Variants in ELAPOR1 observed in about 807,000 individuals in gnomAD.
ELAPOR1 encodes the protein endosome/lysosome-associated apoptosis and autophagy regulator 1.
In ELAPOR1, 77 loss-of-function variants were observed where a neutral mutation model predicts 119.7. The ratio of observed to expected loss-of-function variants is 0.64; its 90% confidence interval spans 0.54 to 0.78. The LOEUF is 0.78. ELAPOR1 is among the 30% of genes least tolerant of loss of function. The probability of loss-of-function intolerance (pLI) is 0.00; values close to 1 mark genes in which losing one functional copy is unlikely to be tolerated. For missense variants in ELAPOR1, 1,115 were observed against 1,270.4 expected, an observed-to-expected ratio of 0.88 and a Z score of 1.86; for synonymous variants, 481 against 487.2, an observed-to-expected ratio of 0.99 and a Z score of 0.17.
chr1:109,195,314 A>C (rs1007681714), intron 15 of ELAPOR1, among the ~76,000 whole-genome samples: 1 of 151,760 alleles, frequency 6.6e-6, no homozygotes, highest in Non-Finnish European at 1.5e-5. Context: ...TAACACGGTG[A>C]AACCCTGTCT....
intron 1 of ELAPOR1, among the ~76,000 whole-genome samples, chr1:109,154,078 T>C (rs886676351): frequency 6.6e-6 from 1 of 151,214 alleles, no homozygotes; most frequent in African/African-American, 2.4e-5. Context: ...GGTCGGGAGT[T>C]TGAGATCAGC....
At chr1:109,194,746 T>A in intron 15 of ELAPOR1, 152 bp downstream of exon 15, 1 of 613,532 alleles carries the variant, frequency 1.6e-6, no homozygotes, top group Non-Finnish European at 2.8e-6. Flanking sequence ...CCCTGAGGAC[T>A]TTTTCCCCTA....
chr1:109,118,561 A>G (rs137908149), intron 1 of ELAPOR1, among the ~76,000 whole-genome samples: 6 of 152,316 alleles, frequency 3.9e-5, no homozygotes, highest in South Asian at 2.1e-4. Context: ...AAGGGACTGC[A>G]CTGGGATGGG....
chr1:109,177,821 T>C (rs1652441226), intron 7 of ELAPOR1, among the ~76,000 whole-genome samples: 1 of 152,212 alleles, frequency 6.6e-6, no homozygotes, highest in South Asian at 2.1e-4. Flanking sequence ...AGGGTTTGAA[T>C]GGCAAGGTGG....
chr1:109,147,831 T>A (rs1650274624), intron 1 of ELAPOR1, among the ~76,000 whole-genome samples: 3 of 151,068 alleles, frequency 2.0e-5, no homozygotes. Flanking sequence ...TATTATTATT[T>A]GTTTTTTATT....
At chr1:109,198,133 G>C in intron 17 of ELAPOR1, 58 bp downstream of exon 17, 1 of 1,342,826 alleles carries the variant, frequency 7.4e-7, no homozygotes, top group Non-Finnish European at 1.1e-6. Flanking sequence ...CATAATTTCT[G>C]CTGCATCCCT....
chr1:109,134,412 G>C (rs1473323142), intron 1 of ELAPOR1, among the ~76,000 whole-genome samples: 2 of 152,064 alleles, frequency 1.3e-5, no homozygotes, highest in Non-Finnish European at 2.9e-5. Flanking sequence ...ACAGGGCTGT[G>C]GGCCTCTCCC....
At chr1:109,159,359 C>T (rs1365933619) in intron 1 of ELAPOR1, among the ~76,000 whole-genome samples, 2 of 152,178 alleles carry the variant, frequency 1.3e-5, no homozygotes, top group African/African-American at 4.8e-5. Flanking sequence ...CCTCAGCAAA[C>T]CTCCCACCTG....
At chr1:109,125,479 G>A (rs552836301) in intron 1 of ELAPOR1, among the ~76,000 whole-genome samples, 5 of 151,288 alleles carry the variant, frequency 3.3e-5, no homozygotes, top group South Asian at 2.1e-4. Context: ...TACAACCTCC[G>A]CCTCCCGGGT....
intron 3 of ELAPOR1, among the ~76,000 whole-genome samples, chr1:109,165,646 C>T (rs952726691): frequency 3.3e-5 from 5 of 151,286 alleles, no homozygotes; most frequent in Admixed American, 6.6e-5. Context: ...ATTTCCACCA[C>T]GGAATTTCAG....
At chr1:109,147,292 A>G (rs1005634159) in intron 1 of ELAPOR1, among the ~76,000 whole-genome samples, 1 of 152,130 alleles carries the variant, frequency 6.6e-6, no homozygotes. Flanking sequence ...CAGCCATGAA[A>G]AGATATGGAG....
chr1:109,171,382 T>A (rs988061119), intron 3 of ELAPOR1, among the ~76,000 whole-genome samples: 1 of 151,844 alleles, frequency 6.6e-6, no homozygotes, highest in African/African-American at 2.4e-5. Flanking sequence ...AACCTGTCTC[T>A]ACTAAAAAAA....
intron 7 of ELAPOR1, among the ~76,000 whole-genome samples, chr1:109,178,731 G>A (rs879926505): frequency 2.6e-5 from 4 of 152,048 alleles, no homozygotes; most frequent in Admixed American, 6.6e-5. Flanking sequence ...TTGGGAGGCC[G>A]AGGTGGGTGG....
chr1:109,137,015 A>T (rs576867285), intron 1 of ELAPOR1, among the ~76,000 whole-genome samples: 3 of 152,200 alleles, frequency 2.0e-5, no homozygotes, highest in African/African-American at 7.2e-5. Flanking sequence ...AAGGACGGGG[A>T]AAAGGGCACT....
chr1:109,157,808 T>C (rs920788873), intron 1 of ELAPOR1, among the ~76,000 whole-genome samples: 7 of 152,234 alleles, frequency 4.6e-5, no homozygotes, highest in Non-Finnish European at 8.8e-5. Flanking sequence ...TTAAACCTTA[T>C]TCATCTTCCA....
At chr1:109,118,111 G>A (rs141057031) in intron 1 of ELAPOR1, among the ~76,000 whole-genome samples, 376 of 150,048 alleles carry the variant, frequency 2.5e-3, no homozygotes, top group African/African-American at 8.6e-3. Flanking sequence ...TGGGCGACAA[G>A]AATGAAACTC....
Position 109,201,460 on chromosome 1 carries a change from C to G in ELAPOR1, c.2973+560C>G, listed in dbSNP as rs976839325. ...AAATGCAATACAGACAATACTGTCA[C>G]TGGGTGTGGGGCCAGCAGACAGCAT... On this transcript the variant is annotated intron_variant, in intron 21 of 21. Coordinates refer to ENST00000369939, the MANE Select transcript of ELAPOR1 (RefSeq NM_020775.5). The G allele has an allele frequency of 9.5e-5, 41 of 430,418 alleles. 1 individual carries two copies. The highest frequency in any genetic ancestry group is 5.2e-4 in the Middle Eastern group (1 of 1,940). The allele number at this position is 430,418 out of a possible 1,614,324, so 26.7% of individuals were successfully genotyped here.
intron 15 of ELAPOR1, 46 bp downstream of exon 15, chr1:109,194,640 C>T: frequency 1.3e-6 from 2 of 1,570,408 alleles, no homozygotes; most frequent in Non-Finnish European, 8.8e-7. Context: ...GGGGGAGGCC[C>T]ATGGATCAGA....
intron 7 of ELAPOR1, among the ~76,000 whole-genome samples, chr1:109,184,227 C>G (rs1227096714): frequency 1.3e-5 from 2 of 152,032 alleles, no homozygotes; most frequent in Non-Finnish European, 2.9e-5. Context: ...CAAAATTAGC[C>G]AGGCATGGTG....
Sources: gnomAD v4.1 joint callset for allele counts (sites outside exome capture counted in the v4.1 genomes callset) on GRCh38, gnomAD v4.1.1 for gene constraint, MANE v1.5 for transcripts, NCBI Gene and HGNC (gene_info 2026-07-23, HGNC 2026-07-21) for gene names.